NDRG3: variants seen among roughly 807,000 people sequenced by gnomAD.
The protein encoded by NDRG3 is NDRG family member 3, also known as protein NDRG3.
Under a neutral mutation model 57.2 loss-of-function variants are expected in NDRG3, and 23 were observed. That is an observed-to-expected ratio of 0.40 (90% CI 0.29 to 0.57). The LOEUF is 0.57. Ranked by LOEUF, NDRG3 falls within the 20% of genes least tolerant of loss-of-function variation. The probability of loss-of-function intolerance (pLI) is 0.42; values close to 1 mark genes in which losing one functional copy is unlikely to be tolerated. For missense variants in NDRG3, 384 were observed against 457.3 expected (o/e 0.84, Z 1.46); for synonymous variants, 132 against 162.6 (o/e 0.81, Z 1.43).
rs546194089 is a variant in NDRG3, at chr20:36,724,096, T to C, written c.-48-2313A>G. 4.6e-5 allele frequency among the ~76,000 whole-genome samples: 7 copies of C among 152,302 alleles called. No individual in the cohort carries two copies. In the South Asian group the frequency reaches 1.4e-3, roughly 32 times the overall value. ...TAATTACCTATGGAGAGGGTATGTG[T>C]TCCAGGCTACCTTTTAGCTATTATT... is the stretch of plus-strand genomic sequence containing the variant. On this transcript the variant is annotated intron_variant, in intron 1 of 15. Coordinates refer to ENST00000349004, the MANE Select transcript of NDRG3 (RefSeq NM_032013.4).
chr20:36,712,855 C>T (rs896501717), intron 2 of NDRG3, among the ~76,000 whole-genome samples: 20 of 151,576 alleles, frequency 1.3e-4, no homozygotes, highest in African/African-American at 4.4e-4. Flanking sequence ...CTTGGCCTCC[C>T]AAAGTGTTGA....
intron 2 of NDRG3, among the ~76,000 whole-genome samples, chr20:36,714,982 CTGTGTGTG>C (rs374158525): frequency 5.0e-4 from 25 of 50,222 alleles, no homozygotes; most frequent in South Asian, 1.0e-3. Flanking sequence ...AATCCTATAT[CTGTGTGTG>C]TGTGTGTGTG....
chr20:36,711,474 CAT>C (rs1983875963), intron 2 of NDRG3, among the ~76,000 whole-genome samples: 1 of 152,100 alleles, frequency 6.6e-6, no homozygotes, highest in Non-Finnish European at 1.5e-5. Context: ...ATTAAAATCT[CAT>C]AGAATATAGA....
At chr20:36,740,533 G>A (rs186847146) in intron 1 of NDRG3, among the ~76,000 whole-genome samples, 1 of 152,154 alleles carries the variant, frequency 6.6e-6, no homozygotes, top group Non-Finnish European at 1.5e-5. Flanking sequence ...TTTTAGTAGA[G>A]ACAGTTTGCC....
At chr20:36,694,502 C>T (rs1188682661) in intron 3 of NDRG3, among the ~76,000 whole-genome samples, 5 of 152,204 alleles carry the variant, frequency 3.3e-5, no homozygotes, top group African/African-American at 1.2e-4. Context: ...CAGAAGCATT[C>T]ATCTCCATCA....
chr20:36,680,723 AC>A (rs1405516581), intron 8 of NDRG3, 92 bp downstream of exon 8: 1 of 871,044 alleles, frequency 1.1e-6, no homozygotes, highest in East Asian at 2.5e-5. Flanking sequence ...TAACATTTTT[AC>A]CCTTAACTGT....
chr20:36,699,690 T>TA (rs962994258), intron 3 of NDRG3, among the ~76,000 whole-genome samples: 1 of 150,062 alleles, frequency 6.7e-6, no homozygotes, highest in Non-Finnish European at 1.5e-5. Context: ...GTGGTGGTGG[T>TA]AGGGTGTGTG....
chr20:36,719,192 G>GC (rs1434196580), intron 2 of NDRG3, among the ~76,000 whole-genome samples: 1 of 152,112 alleles, frequency 6.6e-6, no homozygotes, highest in Admixed American at 6.6e-5. Context: ...ACTTTTGGAG[G>GC]CCGAGGCGGG....
At chr20:36,716,864 C>G (rs1347079745) in intron 2 of NDRG3, among the ~76,000 whole-genome samples, 1 of 152,122 alleles carries the variant, frequency 6.6e-6, no homozygotes, top group Non-Finnish European at 1.5e-5. Flanking sequence ...CCCTAGACCC[C>G]CAGGTCCAGG....
At chr20:36,696,519 G>C (rs1191145128) in intron 3 of NDRG3, among the ~76,000 whole-genome samples, 1 of 151,298 alleles carries the variant, frequency 6.6e-6, no homozygotes, top group Non-Finnish European at 1.5e-5. Flanking sequence ...TTTTGAGACG[G>C]AGTCTTGTTC....
chr20:36,734,929 G>C (rs565098715), intron 1 of NDRG3, among the ~76,000 whole-genome samples: 1 of 152,104 alleles, frequency 6.6e-6, no homozygotes, highest in Admixed American at 6.6e-5. Context: ...TCATGGAGGA[G>C]GTAATATCTG....
intron 3 of NDRG3, among the ~76,000 whole-genome samples, chr20:36,698,292 T>A (rs1403448538): frequency 6.6e-6 from 1 of 150,422 alleles, no homozygotes; most frequent in East Asian, 2.0e-4. Flanking sequence ...TTGCTACAAA[T>A]CTCCGGAAGC....
intron 3 of NDRG3, among the ~76,000 whole-genome samples, chr20:36,702,425 C>T (rs891997364): frequency 1.2e-4 from 19 of 152,134 alleles, no homozygotes; most frequent in African/African-American, 3.9e-4. Flanking sequence ...CGTGAGCGAC[C>T]GCGCCCGGCC....
In NDRG3 at chr20:36,666,387, C is replaced by T. The variant is rs1455751660; in HGVS notation, c.594G>A (p.Glu198=). The T allele has an allele frequency of 1.2e-6, 2 of 1,611,574 alleles. No homozygotes were observed. Among genetic ancestry groups the T allele is most frequent in the Non-Finnish European group, 1.7e-6 (2 of 1,177,628 alleles). ...GGATCAGGTCCAGGTTGGCCTGTAA[C>T]TCTTCCTAGAACAATTGAAAGAAGA... ...IILAHHFGQE[E]LQANLDLIQT... is the part of the protein sequence containing the mutation. Residue 198 remains glutamate, a synonymous_variant, in exon 10 of 16, where the codon GAG becomes GAA. Transcript: ENST00000349004.
intron 13 of NDRG3, among the ~76,000 whole-genome samples, chr20:36,656,862 T>G (rs977934363): frequency 1.3e-5 from 2 of 152,202 alleles, no homozygotes; most frequent in East Asian, 3.8e-4. Flanking sequence ...TCGAACAGTG[T>G]GACCCTAACT....
At chr20:36,706,206 G>A (rs1032834544) in intron 3 of NDRG3, among the ~76,000 whole-genome samples, 1 of 152,146 alleles carries the variant, frequency 6.6e-6, no homozygotes, top group African/African-American at 2.4e-5. Flanking sequence ...GTTGAATTTT[G>A]CATTTCCAAA....
chr20:36,711,809 C>T (rs772103409), intron 2 of NDRG3, among the ~76,000 whole-genome samples: 11 of 152,162 alleles, frequency 7.2e-5, no homozygotes, highest in East Asian at 5.8e-4. Flanking sequence ...GACGGAGTCT[C>T]GCTTTGTCGC....
At chr20:36,666,221 TC>T (rs1979620330) in intron 10 of NDRG3, 67 bp downstream of exon 10, 1 of 1,202,326 alleles carries the variant, frequency 8.3e-7, no homozygotes, top group African/African-American at 1.5e-5. Context: ...CAGTCCTCTC[TC>T]CTTCTCCCAC....
At chr20:36,703,121 TTC>T (rs1314451871) in intron 3 of NDRG3, among the ~76,000 whole-genome samples, 17 of 152,136 alleles carry the variant, frequency 1.1e-4, no homozygotes, top group African/African-American at 3.1e-4. Context: ...CTAAATTTGT[TTC>T]TGATTATACA....
Sources: gnomAD v4.1 joint callset for allele counts (sites outside exome capture counted in the v4.1 genomes callset) on GRCh38, gnomAD v4.1.1 for gene constraint, MANE v1.5 for transcripts, NCBI Gene and HGNC (gene_info 2026-07-23, HGNC 2026-07-21) for gene names.